The following PITRM1 variants were observed in gnomAD, a reference collection of about 807,000 sequenced individuals.
PITRM1 encodes the protein pitrilysin metallopeptidase 1.
A neutral mutation model predicts 129.9 loss-of-function variants in PITRM1; 100 were observed. The observed-to-expected ratio is 0.77, with a 90% confidence interval of 0.65 to 0.91. The LOEUF (loss-of-function observed/expected upper bound fraction) is 0.91, where lower values mean the gene tolerates loss of function less well. Among genes scored for constraint, PITRM1 ranks in the 40% least tolerant of loss-of-function variants. The probability of loss-of-function intolerance (pLI) is 0.00; values close to 1 mark genes in which losing one functional copy is unlikely to be tolerated. For synonymous variants in PITRM1, 591 were observed against 508.8 expected, an observed-to-expected ratio of 1.16 and a Z score of -2.17; for missense variants, 1,471 against 1,318.3, an observed-to-expected ratio of 1.12 and a Z score of -1.79.
Position 3,165,351 on chromosome 10 carries a change from A to G in PITRM1, c.534-17T>C. 2.5e-6 allele frequency: 4 copies of G among 1,596,458 alleles called. No individual in the cohort carries two copies. The highest frequency in any genetic ancestry group is 2.3e-5 in the East Asian group (1 of 44,364). ...CCTTCCTGCCTGAGGACAAATCATT[A>G]TAAGCTGATAGTGACTCAAATACTA... On this transcript the variant is annotated splice_polypyrimidine_tract_variant and intron_variant, in intron 5 of 26. Transcript: ENST00000224949.
In PITRM1 at chr10:3,147,885, G is replaced by A; in HGVS notation, c.2069+102C>T. The A allele has an allele frequency of 5.8e-6, 7 of 1,205,840 alleles. No homozygotes were observed. In the South Asian group the frequency reaches 7.8e-5, roughly 14 times the overall value. The allele number at this position is 1,205,840 out of a possible 1,614,324, so 74.7% of individuals were successfully genotyped here. A position where few individuals can be genotyped will look rare whatever the true frequency, so the allele number is the denominator to read the frequency against. On this transcript the variant is annotated intron_variant, in intron 18 of 26. Coordinates refer to ENST00000224949, the MANE Select transcript of PITRM1 (RefSeq NM_014889.4). Reference sequence around the variant, plus strand: ...GAACTACAAGTAAAAGTCAGACTTGGAAAACAACAACACACACGAGTAAAA... The same window carrying A: ...GAACTACAAGTAAAAGTCAGACTTGAAAAACAACAACACACACGAGTAAAA...
intron 7 of PITRM1, among the ~76,000 whole-genome samples, chr10:3,162,157 TTA>T (rs1491475930): frequency 0.24 from 31,285 of 131,726 alleles, 3,981 homozygotes; most frequent in Non-Finnish European, 0.3. Flanking sequence ...GACCCTGTCT[TTA>T]AAAAAAAAAA....
intron 24 of PITRM1, among the ~76,000 whole-genome samples, chr10:3,139,259 T>C (rs1036316907): frequency 5.3e-5 from 8 of 152,154 alleles, no homozygotes; most frequent in Non-Finnish European, 8.8e-5. Context: ...ATGTTCTCCC[T>C]CTTAGACAAG....
intron 1 of PITRM1, among the ~76,000 whole-genome samples, chr10:3,171,580 A>G (rs967577717): frequency 6.6e-6 from 1 of 152,190 alleles, no homozygotes; most frequent in Non-Finnish European, 1.5e-5. Flanking sequence ...GGCTGGGACT[A>G]CAAGTGCTCA....
At chr10:3,148,355 C>A (rs939034228) in intron 16 of PITRM1, 64 bp from the exon 17 acceptor site, 3 of 1,524,450 alleles carry the variant, frequency 2.0e-6, no homozygotes, top group South Asian at 2.6e-5. Flanking sequence ...TTTTTAAAAT[C>A]GTGCATCTTG....
chr10:3,172,653 C>G, intron 1 of PITRM1, 64 bp downstream of exon 1: 10 of 1,439,142 alleles, frequency 6.9e-6, no homozygotes, highest in Non-Finnish European at 9.2e-6. Context: ...ACGCCTCCGG[C>G]CTGCCCTGGA....
intron 1 of PITRM1, chr10:3,172,135 G>A (rs767542573): frequency 2.2e-6 from 1 of 454,650 alleles, no homozygotes; most frequent in East Asian, 6.9e-5. Flanking sequence ...CTCATGCCAC[G>A]GACGCCCCGT....
intron 16 of PITRM1, 149 bp from the exon 17 acceptor site, chr10:3,148,440 G>C: frequency 3.1e-6 from 3 of 962,694 alleles, no homozygotes; most frequent in Non-Finnish European, 4.5e-6. Flanking sequence ...TCATAAGCAG[G>C]TGCACTCTGG....
rs752990038 is a variant in PITRM1, at chr10:3,157,083, C to T, written c.1348-19G>A. The T allele has an allele frequency of 1.3e-6, 2 of 1,597,612 alleles. No individual in the cohort carries two copies. The highest frequency in any genetic ancestry group is 2.7e-5 in the African/African-American group (2 of 74,064). ...CTATGTACTGGAAGGAAGATTTCCA[C>T]ATCCACAATGCAGCTGGTACCACAG... On this transcript the variant is annotated intron_variant, in intron 12 of 26. Coordinates refer to ENST00000224949, the MANE Select transcript of PITRM1 (RefSeq NM_014889.4).
In PITRM1 at chr10:3,147,703, G is replaced by A; in HGVS notation, c.2104C>T (p.Leu702=). 6.2e-7 allele frequency: 1 copy of A among 1,605,464 alleles called. No individual in the cohort carries two copies. Among genetic ancestry groups the A allele is most frequent in the East Asian group, 2.2e-5 (1 of 44,826 alleles). The part of the protein sequence containing the change: ...CFEEEEHFKV[L]VKMTAQELAN... ...AGCTCCTGGGCGGTCATCTTCACCA[G>A]CACCTTGAAGTGCTCCTCTTCTTCA... Residue 702 remains leucine, a synonymous_variant, in exon 19 of 27, where the codon CTG becomes TTG. Coordinates refer to ENST00000224949, the MANE Select transcript of PITRM1 (RefSeq NM_014889.4).
chr10:3,138,808 G>A, intron 25 of PITRM1, 96 bp downstream of exon 25: 3 of 1,127,178 alleles, frequency 2.7e-6, no homozygotes, highest in Non-Finnish European at 4.1e-6. Context: ...GGCACCAGAA[G>A]CTAGTGCTCC....
At chr10:3,160,798 C>G (rs1842385720) in intron 7 of PITRM1, among the ~76,000 whole-genome samples, 2 of 151,230 alleles carry the variant, frequency 1.3e-5, no homozygotes, top group East Asian at 1.9e-4. Flanking sequence ...CTCGCCCCGT[C>G]CCCCCAGGCT....
chr10:3,154,710 T>C (rs1234805136), intron 14 of PITRM1, among the ~76,000 whole-genome samples: 2 of 152,206 alleles, frequency 1.3e-5, no homozygotes. Context: ...GTTTTTCGTA[T>C]ATTCTGAATA....
chr10:3,165,724 C>T (rs907863276), intron 4 of PITRM1, among the ~76,000 whole-genome samples, 197 bp from the exon 5 acceptor site: 2 of 152,214 alleles, frequency 1.3e-5, no homozygotes, highest in African/African-American at 2.4e-5. Context: ...TTTCCCATCC[C>T]GTCTCAGGAT....
intron 8 of PITRM1, 51 bp downstream of exon 8, chr10:3,160,153 C>T (rs1042695829): frequency 3.1e-6 from 5 of 1,597,466 alleles, no homozygotes; most frequent in Non-Finnish European, 4.3e-6. Context: ...AGTCCAAGTC[C>T]TCATGTCAAC....
Position 3,160,479 on chromosome 10 carries a change from A to G in PITRM1, c.792-149T>C, listed in dbSNP as rs1030193788. On this transcript the variant is annotated intron_variant, in intron 7 of 26. Transcript: ENST00000224949. ...AGTCACCCTTACTCAACCAAGGTCC[A>G]AAAATATCACGGTACTTCGAGAGAC... The G allele has an allele frequency of 4.0e-5, 25 of 630,900 alleles. No individual in the cohort carries two copies. In the Admixed American group the frequency reaches 5.4e-4, roughly 14 times the overall value. The allele number at this position is 630,900 out of a possible 1,614,324, so 39.1% of individuals were successfully genotyped here. A position where few individuals can be genotyped will look rare whatever the true frequency, so the allele number is the denominator to read the frequency against.
Position 3,155,701 on chromosome 10 carries a change from A to G in PITRM1, c.1511T>C (p.Met504Thr), listed in dbSNP as rs1841921056. Residue 504 changes from methionine (M) to threonine (T), a missense_variant, in exon 14 of 27, where the codon ATG becomes ACG. Met to Thr is a moderately conservative substitution (Grantham distance 81, BLOSUM62 -1). Coordinates refer to ENST00000224949, the MANE Select transcript of PITRM1 (RefSeq NM_014889.4). ...CTCGTGATACTTGTCATCTGGCCTC[A>G]TCGATAAAGTCAGCTTATGCTGGTT... ...KNNQHKLTLS[M>T]RPDDKYHEKQ... 6.2e-7 allele frequency: 1 copy of G among 1,613,908 alleles called. No individual in the cohort carries two copies. The highest frequency in any genetic ancestry group is 1.3e-5 in the African/African-American group (1 of 75,016).
chr10:3,157,996 G>C (rs1740651272), intron 11 of PITRM1, 44 bp downstream of exon 11: 1 of 1,207,374 alleles, frequency 8.3e-7, no homozygotes, highest in African/African-American at 1.5e-5. Flanking sequence ...AAGCACACAG[G>C]AATGAGGAAC....
chr10:3,143,966 G>A (rs1214424193), intron 22 of PITRM1: 11 of 523,082 alleles, frequency 2.1e-5, no homozygotes, highest in East Asian at 7.3e-5. Context: ...GACTCAGCTC[G>A]GGAGCTACGT....
Sources: allele counts gnomAD v4.1 joint callset (sites outside exome capture counted in the v4.1 genomes callset), GRCh38; gene constraint gnomAD v4.1.1; transcripts MANE v1.5; gene names NCBI Gene and HGNC (gene_info 2026-07-23, HGNC 2026-07-21).